The following USP8 variants were observed in gnomAD, a reference collection of about 807,000 sequenced individuals.
The protein encoded by USP8 is ubiquitin specific peptidase 8, also known as ubiquitin carboxyl-terminal hydrolase 8.
A neutral mutation model predicts 130.0 loss-of-function variants in USP8; 27 were observed. The ratio of observed to expected loss-of-function variants is 0.21; its 90% CI spans 0.15 to 0.29. The LOEUF (loss-of-function observed/expected upper bound fraction) is 0.29. Among genes scored for constraint, USP8 ranks in the 10% least tolerant of loss-of-function variants. USP8 has a pLI of 1.00. For synonymous variants in USP8, 392 were observed against 444.1 expected, an observed-to-expected ratio of 0.88 and a Z score of 1.48; for missense variants, 1,029 against 1,312.2, an observed-to-expected ratio of 0.78 and a Z score of 3.33.
At chr15:50,495,793 A>G (rs1231364079) in intron 16 of USP8, 55 bp from the exon 17 acceptor site, 1 of 1,386,032 alleles carries the variant, frequency 7.2e-7, no homozygotes, top group Non-Finnish European at 1.0e-6. Flanking sequence ...TATTCTTTCA[A>G]TTTAAATGTT....
At chr15:50,474,119 C>T (rs1169878035) in intron 8 of USP8, among the ~76,000 whole-genome samples, 3 of 152,184 alleles carry the variant, frequency 2.0e-5, no homozygotes, top group Non-Finnish European at 4.4e-5. Flanking sequence ...GTCCTCCCAA[C>T]TCAGCCTCCT....
Position 50,500,865 on chromosome 15 carries a change from G to A in USP8, c.*1777G>A. 6.5e-7 allele frequency: 1 copy of A among 1,547,188 alleles called. No homozygotes were observed. The highest frequency in any genetic ancestry group is 1.2e-5 in the South Asian group (1 of 84,396). On this transcript the variant is annotated 3_prime_UTR_variant, in exon 20 of 20. Transcript: ENST00000307179. ...ATGGGAGAAAGGAATGTCAAACTTA[G>A]TATTCACATATGAACACTAACTACT...
In USP8 at chr15:50,450,801, C is replaced by G. The variant is rs2050607590; in HGVS notation, c.335+1316C>G. Reference sequence around the variant, plus strand: ...TCATGCTTTAAAATTTAAATTGTTTCCCTTATCAACAACATAATGCTGTTA... The same window carrying G: ...TCATGCTTTAAAATTTAAATTGTTTGCCTTATCAACAACATAATGCTGTTA... On this transcript the variant is annotated intron_variant, in intron 4 of 19. Coordinates refer to ENST00000307179, the MANE Select transcript of USP8 (RefSeq NM_005154.5). Among the ~76,000 whole-genome samples, 2 of 152,108 alleles carry G rather than the reference C, an allele frequency of 1.3e-5. 1 individual carries two copies. Among genetic ancestry groups the G allele is most frequent in the South Asian group, 4.1e-4 (2 of 4,834 alleles).
At position 50,510,603 on chromosome 15, in the gene USP8, TG is replaced by T. The variant is rs1302164777; in HGVS notation, c.*11516del. The T allele has an allele frequency of 6.6e-6, 1 of 152,236 alleles. No homozygotes were observed. Among genetic ancestry groups the T allele is most frequent in the Non-Finnish European group, 1.5e-5 (1 of 68,048 alleles). 9.4% of individuals were successfully genotyped at this position (152,236 alleles called of 1,614,324 possible). On this transcript the variant is annotated 3_prime_UTR_variant, in exon 20 of 20. Transcript: ENST00000307179. ...GAAGAATGTGGTTAAGGGATTATTT[TG>T]ATCTATGAAGTGTCACGATACAAGA...
At chr15:50,425,343 T>C (rs1356786518) in intron 1 of USP8, among the ~76,000 whole-genome samples, 2 of 152,254 alleles carry the variant, frequency 1.3e-5, no homozygotes, top group Non-Finnish European at 2.9e-5. Flanking sequence ...AATATCTTGC[T>C]GCAGCCATTA....
intron 3 of USP8, among the ~76,000 whole-genome samples, chr15:50,443,632 C>T (rs1281474407): frequency 6.6e-6 from 1 of 151,950 alleles, no homozygotes; most frequent in African/African-American, 2.4e-5. Context: ...TACAGGTGTG[C>T]ACCACCACGT....
At position 50,510,081 on chromosome 15, in the gene USP8, A is replaced by C. The variant is rs2052717724; in HGVS notation, c.*10993A>C. On this transcript the variant is annotated 3_prime_UTR_variant, in exon 20 of 20. Transcript: ENST00000307179. ...AATTTAATATTTTATAGCTATAATT[A>C]ATACAGTACGGAATTAGCCCAAATG... 6.6e-6 allele frequency: 1 copy of C among 152,180 alleles called. No individual in the cohort carries two copies. The highest frequency in any genetic ancestry group is 2.1e-4 in the South Asian group (1 of 4,836). The allele number at this position is 152,180 out of a possible 1,614,324, so 9.4% of individuals were successfully genotyped here. A position where few individuals can be genotyped will look rare whatever the true frequency, so the allele number is the denominator to read the frequency against.
chr15:50,460,400 G>A (rs992268191), intron 5 of USP8, among the ~76,000 whole-genome samples: 163 of 147,156 alleles, frequency 1.1e-3, no homozygotes, highest in African/African-American at 3.9e-3. Flanking sequence ...TCTGCTTCCC[G>A]GGTTCAACTA....
At chr15:50,484,203 TTAGC>T (rs1255141941) in intron 11 of USP8, 68 bp from the exon 12 acceptor site, 9 of 1,230,600 alleles carry the variant, frequency 7.3e-6, no homozygotes, top group Middle Eastern at 4.0e-4. Flanking sequence ...TTCGGTTGTG[TTAGC>T]TAGTAGCTTT....
In USP8 at chr15:50,502,393, G is replaced by C. The variant is rs2141339695; in HGVS notation, c.*3305G>C. ...AAGTTATTTATTTTTATTTGAGACA[G>C]AGTCTTGCTCTGTTGCCCAGGCTGG... On this transcript the variant is annotated 3_prime_UTR_variant, in exon 20 of 20. Transcript: ENST00000307179. The C allele has an allele frequency of 6.6e-6, 1 of 152,398 alleles. No individual in the cohort carries two copies. Among genetic ancestry groups the C allele is most frequent in the Admixed American group, 6.5e-5 (1 of 15,286 alleles). 9.4% of individuals were successfully genotyped at this position (152,398 alleles called of 1,614,324 possible).
chr15:50,429,002 A>G (rs898176666), intron 1 of USP8, among the ~76,000 whole-genome samples: 17 of 152,252 alleles, frequency 1.1e-4, no homozygotes, highest in African/African-American at 3.4e-4. Context: ...CAGTGTGGAT[A>G]CACTGGACAA....
At chr15:50,495,013 T>C (rs562260289) in intron 16 of USP8, among the ~76,000 whole-genome samples, 5 of 147,994 alleles carry the variant, frequency 3.4e-5, no homozygotes, top group African/African-American at 1.2e-4. Flanking sequence ...AGTGAGACTC[T>C]TTCTAAAAAA....
rs535330043 is a variant in USP8 at position 50,495,488 on chromosome 15, G to C, written c.2659-360G>C. 1.5e-3 allele frequency among the ~76,000 whole-genome samples: 217 copies of C among 148,598 alleles called. 2 individuals carry two copies. Among genetic ancestry groups the C allele is most frequent in the East Asian group, 2.2e-3 (11 of 5,018 alleles). On this transcript the variant is annotated intron_variant, in intron 16 of 19. Coordinates refer to ENST00000307179, the MANE Select transcript of USP8 (RefSeq NM_005154.5). ...TTTCTTTTTTTAGTAGAGATTGGAGGGGGGGGTCTCACTATGTTGCACAAG... is the reference window on the plus strand; with the variant it reads ...TTTCTTTTTTTAGTAGAGATTGGAGCGGGGGGTCTCACTATGTTGCACAAG...
Position 50,484,223 on chromosome 15 carries a change from G to C in USP8, c.1804-52G>C, listed in dbSNP as rs931235088. Reference sequence around the variant, plus strand: ...TTGTGTTAGCTAGTAGCTTTATGTTGGGAGGAGAATTAAAGTTTTCTTTCA... The same window carrying C: ...TTGTGTTAGCTAGTAGCTTTATGTTCGGAGGAGAATTAAAGTTTTCTTTCA... On this transcript the variant is annotated intron_variant, in intron 11 of 19. Transcript: ENST00000307179. 2.7e-5 allele frequency: 38 copies of C among 1,421,032 alleles called. 1 individual carries two copies. The Admixed American group carries it at 7.1e-4, about 27-fold the overall frequency. The allele number at this position is 1,421,032 out of a possible 1,614,324, so 88.0% of individuals were successfully genotyped here.
At chr15:50,438,983 A>G (rs2050166501) in intron 1 of USP8, 26 bp from the exon 2 acceptor site, 1 of 922,870 alleles carries the variant, frequency 1.1e-6, no homozygotes. Flanking sequence ...GAGGAAAATT[A>G]GTATAATTAT....
chr15:50,463,671 C>A (rs189850719), intron 6 of USP8, among the ~76,000 whole-genome samples: 1 of 152,180 alleles, frequency 6.6e-6, no homozygotes, highest in Admixed American at 6.5e-5. Context: ...TTGTTAACAA[C>A]TTTTTTAGTC....
intron 18 of USP8, 63 bp downstream of exon 18, chr15:50,497,294 T>C: frequency 6.5e-7 from 1 of 1,534,432 alleles, no homozygotes; most frequent in Non-Finnish European, 8.7e-7. Context: ...AAGTTCTGTG[T>C]AATTTATACT....
chr15:50,477,799 C>A (rs1036683538), intron 10 of USP8, among the ~76,000 whole-genome samples: 1 of 150,802 alleles, frequency 6.6e-6, no homozygotes, highest in African/African-American at 2.4e-5. Flanking sequence ...CGAGATTGCA[C>A]CACTGCACCC....
At chr15:50,443,044 T>A (rs867968909) in intron 3 of USP8, among the ~76,000 whole-genome samples, 20 of 152,336 alleles carry the variant, frequency 1.3e-4, no homozygotes, top group South Asian at 4.1e-4. Context: ...TAAATTTTTT[T>A]AATTTATTTA....
Sources: allele counts gnomAD v4.1 joint callset (sites outside exome capture counted in the v4.1 genomes callset), GRCh38; gene constraint gnomAD v4.1.1; transcripts MANE v1.5; gene names NCBI Gene and HGNC (gene_info 2026-07-23, HGNC 2026-07-21).